RNF170: variants seen among roughly 807,000 people sequenced by gnomAD.
RNF170 encodes E3 ubiquitin-protein ligase RNF170.
Under a neutral mutation model 32.7 loss-of-function variants are expected in RNF170, and 12 were observed. The observed-to-expected ratio is 0.37, with a 90% CI of 0.24 to 0.60. The LOEUF (loss-of-function observed/expected upper bound fraction) is 0.60, where lower values mean the gene tolerates loss of function less well. Among genes scored for constraint, RNF170 ranks in the 20% least tolerant of loss-of-function variants. The probability of loss-of-function intolerance (pLI) is 0.72; values close to 1 mark genes in which losing one functional copy is unlikely to be tolerated. For synonymous variants in RNF170, 91 were observed against 103.6 expected (o/e 0.88, Z 0.74); for missense variants, 212 against 311.2 (o/e 0.68, Z 2.40).
At chr8:42,894,076 C>T (rs377523112) in intron 1 of RNF170, among the ~76,000 whole-genome samples, 13 of 152,286 alleles carry the variant, frequency 8.5e-5, no homozygotes, top group Admixed American at 2.0e-4. Flanking sequence ...GTCTTTTTAC[C>T]CCAAGGCTTA....
intron 2 of RNF170, among the ~76,000 whole-genome samples, chr8:42,875,230 C>T (rs192063169): frequency 3.3e-5 from 5 of 151,180 alleles, no homozygotes; most frequent in Admixed American, 6.6e-5. Flanking sequence ...GGGGGTGAAG[C>T]GTTACATGTT....
intron 2 of RNF170, among the ~76,000 whole-genome samples, chr8:42,883,724 AT>A (rs1309279548): frequency 1.3e-5 from 2 of 152,170 alleles, no homozygotes; most frequent in South Asian, 2.1e-4. Context: ...TACTAAAAAA[AT>A]AAAATAAAAT....
intron 1 of RNF170, among the ~76,000 whole-genome samples, chr8:42,888,085 A>G (rs1263641818): frequency 6.6e-6 from 1 of 152,004 alleles, no homozygotes; most frequent in African/African-American, 2.4e-5. Context: ...TTTTTTTTGG[A>G]TGGAGTCTCT....
chr8:42,870,091 G>C lies in RNF170; in HGVS notation c.235C>G (p.Gln79Glu). ...CAGTACATGTCAGTGTAGAACTGCT[G>C]TCGAGTGGCAGCAGGTGCATCCTAA... ...TEQDAPAATRQQFYTDMYCPI... is the reference protein window; with the variant it reads ...TEQDAPAATREQFYTDMYCPI... The change falls in exon 4 of 7, where the codon CAG (glutamine) becomes GAG (glutamate). Residue 79 changes from glutamine (Q) to glutamate (E), a missense_variant. Around this residue, in one of 2 missense-constraint regions of RNF170, gnomAD observed 115 missense variants for 132.3 expected, o/e 0.87. Transcript: ENST00000527424. 2 of 1,613,930 alleles carry C rather than the reference G, an allele frequency of 1.2e-6. No homozygotes were observed. Among genetic ancestry groups the C allele is most frequent in the African/African-American group, 1.3e-5 (1 of 74,960 alleles).
chr8:42,851,598 CAA>C (rs1171291617), downstream of RNF170, among the ~76,000 whole-genome samples: 3 of 150,976 alleles, frequency 2.0e-5, no homozygotes, highest in African/African-American at 4.9e-5. Context: ...AAAGAAAGAA[CAA>C]GAGAAGGATT....
rs1460832251 is a variant in RNF170 at position 42,854,584 on chromosome 8, A to C, written c.*1575T>G. 2 of 1,287,146 alleles carry C rather than the reference A, an allele frequency of 1.6e-6. No homozygotes were observed. Among genetic ancestry groups the C allele is most frequent in the South Asian group, 2.5e-5 (2 of 80,936 alleles). 79.7% of individuals were successfully genotyped at this position (1,287,146 alleles called of 1,614,324 possible). ...TCCTAGGTCCAAATTAGAAAAACAC[A>C]TATTGATATTTCATTCAGAATCTCA... On this transcript the variant is annotated 3_prime_UTR_variant, in exon 7 of 7. Coordinates refer to ENST00000527424, the MANE Select transcript of RNF170 (RefSeq NM_030954.4).
chr8:42,891,871 C>G (rs1471077149), intron 1 of RNF170, among the ~76,000 whole-genome samples: 1 of 152,248 alleles, frequency 6.6e-6, no homozygotes, highest in Non-Finnish European at 1.5e-5. Context: ...AGAAGCTGGA[C>G]TGGCAAAACC....
intron 3 of RNF170, among the ~76,000 whole-genome samples, chr8:42,873,428 A>G (rs1212656614): frequency 6.6e-6 from 1 of 152,156 alleles, no homozygotes; most frequent in Non-Finnish European, 1.5e-5. Context: ...CATAAAGTAT[A>G]TCTCCAATTC....
At chr8:42,896,922 G>A (rs1239910880), upstream of RNF170, 1 of 376,600 alleles carries the variant, frequency 2.7e-6, no homozygotes, top group Non-Finnish European at 4.7e-6. Flanking sequence ...AGTCGCGCGC[G>A]GCTGGCGCGC....
At position 42,869,227 on chromosome 8, in the gene RNF170, C is replaced by T. The variant is rs548904754; in HGVS notation, c.322+777G>A. Reference sequence around the variant, plus strand: ...GCCTGGCCTCTTTGTAAAATTTCTTCACATCTCTAAAGCCTGTTTCCTCAT... The same window carrying T: ...GCCTGGCCTCTTTGTAAAATTTCTTTACATCTCTAAAGCCTGTTTCCTCAT... On this transcript the variant is annotated intron_variant, in intron 4 of 6. Transcript: ENST00000527424. 1.5e-4 allele frequency among the ~76,000 whole-genome samples: 23 copies of T among 152,262 alleles called. No individual in the cohort carries two copies. In the South Asian group the frequency reaches 3.9e-3, roughly 26 times the overall value.
At chr8:42,893,161 G>T (rs555894517) in intron 1 of RNF170, among the ~76,000 whole-genome samples, 2 of 152,064 alleles carry the variant, frequency 1.3e-5, no homozygotes, top group Non-Finnish European at 2.9e-5. Flanking sequence ...AGTGCGCAGG[G>T]TCTTACATGT....
At chr8:42,861,475 G>C in intron 6 of RNF170, 1 of 362,676 alleles carries the variant, frequency 2.8e-6, no homozygotes. Context: ...CAAGAAGCAG[G>C]GACTACAGGC....
intron 6 of RNF170, among the ~76,000 whole-genome samples, chr8:42,860,970 G>C (rs1249873322): frequency 6.7e-6 from 1 of 149,242 alleles, no homozygotes; most frequent in Non-Finnish European, 1.5e-5. Flanking sequence ...CACCCGCCTC[G>C]GCCTCCCAAA....
chr8:42,877,368 A>G (rs566117254), intron 2 of RNF170, among the ~76,000 whole-genome samples: 2 of 151,932 alleles, frequency 1.3e-5, no homozygotes, highest in African/African-American at 4.8e-5. Flanking sequence ...GGGTTTCACC[A>G]TGTTGGCCCA....
intron 1 of RNF170, among the ~76,000 whole-genome samples, chr8:42,892,590 A>T (rs1346837469): frequency 6.6e-6 from 1 of 152,078 alleles, no homozygotes; most frequent in Non-Finnish European, 1.5e-5. Flanking sequence ...TTAATCACAG[A>T]ATGTTAAGCA....
chr8:42,863,443 TA>T (rs200801218), intron 5 of RNF170, among the ~76,000 whole-genome samples: 8 of 151,152 alleles, frequency 5.3e-5, no homozygotes, highest in African/African-American at 1.7e-4. Context: ...AGCTTCAATT[TA>T]AAAAAAAAAT....
chr8:42,881,979 T>C (rs1224535998), intron 2 of RNF170, among the ~76,000 whole-genome samples: 2 of 152,096 alleles, frequency 1.3e-5, no homozygotes, highest in Admixed American at 6.6e-5. Context: ...CCACTAACCA[T>C]GTGAAGTGAT....
intron 6 of RNF170, chr8:42,861,532 G>A (rs559419556): frequency 3.9e-6 from 2 of 512,146 alleles, no homozygotes; most frequent in Admixed American, 3.2e-5. Flanking sequence ...TTCTAGAGAT[G>A]GGGTTTCATC....
At chr8:42,886,316 T>C (rs996767086) in intron 2 of RNF170, among the ~76,000 whole-genome samples, 1 of 152,148 alleles carries the variant, frequency 6.6e-6, no homozygotes, top group Non-Finnish European at 1.5e-5. Context: ...TATTAAAACA[T>C]TAGTCAGGAA....
Sources: allele counts gnomAD v4.1 joint callset (sites outside exome capture counted in the v4.1 genomes callset), GRCh38; gene constraint gnomAD v4.1.1; regional missense constraint gnomAD v4.1.1; transcripts MANE v1.5; gene names NCBI Gene and HGNC (gene_info 2026-07-23, HGNC 2026-07-21).